VWA8: variants seen among roughly 807,000 people sequenced by gnomAD.
The protein encoded by VWA8 is von Willebrand factor A domain containing 8.
In VWA8, 221 loss-of-function variants were observed where a neutral mutation model predicts 241.5. The ratio of observed to expected loss-of-function variants is 0.91; its 90% confidence interval spans 0.82 to 1.02. VWA8 has a LOEUF of 1.02. Among genes scored for constraint, VWA8 ranks in the 50% least tolerant of loss-of-function variants. VWA8 has a pLI of 0.00. For missense variants in VWA8, 2,322 were observed against 2,328.7 expected, an observed-to-expected ratio of 1.00 and a Z score of 0.06; for synonymous variants, 852 against 827.1, an observed-to-expected ratio of 1.03 and a Z score of -0.52.
rs538729140 is a variant in VWA8 at position 41,842,142 on chromosome 13, C to T, written c.1426-8611G>A. The stretch of plus-strand genomic sequence containing the variant: ...CACACCTATTAGTGGCAGCAGAATG[C>T]TACATAAATATTGTATAAACATACA... On this transcript the variant is annotated intron_variant, in intron 12 of 44. Transcript: ENST00000379310. Among the ~76,000 whole-genome samples, 456 of 151,998 alleles carry T rather than the reference C, an allele frequency of 3.0e-3. 1 individual carries two copies. Among genetic ancestry groups the T allele is most frequent in the Non-Finnish European group, 5.2e-3 (351 of 67,948 alleles).
At position 41,778,044 on chromosome 13, in the gene VWA8, T is replaced by C. The variant is rs201602938; in HGVS notation, c.2290A>G (p.Met764Val). The change falls in exon 20 of 45, where the codon ATG becomes GTG. Residue 764 changes from methionine (M) to valine (V), a missense_variant. Coordinates refer to ENST00000379310, the MANE Select transcript of VWA8 (RefSeq NM_015058.2). ...AGAAAGTCTTTCAGCATATCTTCCATCACTATCACATGCTAGAGAAAAAGG... is the reference window on the plus strand; with the variant it reads ...AGAAAGTCTTTCAGCATATCTTCCACCACTATCACATGCTAGAGAAAAAGG... ...FYDNIQHVIV[M>V]EDMLKDFLLG... 5.0e-6 allele frequency: 8 copies of C among 1,611,914 alleles called. No individual in the cohort carries two copies. The highest frequency in any genetic ancestry group is 6.8e-6 in the Non-Finnish European group (8 of 1,179,312).
intron 4 of VWA8, among the ~76,000 whole-genome samples, chr13:41,906,790 A>G (rs757959838): frequency 6.6e-6 from 1 of 152,144 alleles, no homozygotes; most frequent in Admixed American, 6.5e-5. Flanking sequence ...TTTAAATTGC[A>G]TTAATTTCTG....
At chr13:41,835,731 AAT>A (rs1189978136) in intron 12 of VWA8, among the ~76,000 whole-genome samples, 4 of 152,192 alleles carry the variant, frequency 2.6e-5, no homozygotes, top group South Asian at 2.1e-4. Flanking sequence ...TGTGCATATA[AAT>A]ATATATGTGT....
At chr13:41,689,237 T>C in intron 34 of VWA8, 117 bp downstream of exon 34, 1 of 1,147,778 alleles carries the variant, frequency 8.7e-7, no homozygotes, top group South Asian at 1.9e-5. Context: ...GAAGACTTGA[T>C]CCAACATGTT....
intron 21 of VWA8, among the ~76,000 whole-genome samples, chr13:41,742,646 T>C (rs2045577434): frequency 6.6e-6 from 1 of 152,324 alleles, no homozygotes; most frequent in East Asian, 1.9e-4. Context: ...AAGAAGGATA[T>C]TTTGGGAAGA....
At chr13:41,728,038 C>T (rs1481458526) in intron 23 of VWA8, among the ~76,000 whole-genome samples, 3 of 152,048 alleles carry the variant, frequency 2.0e-5, no homozygotes, top group Non-Finnish European at 4.4e-5. Context: ...TCAGGAAGAA[C>T]CACTTGCTAT....
intron 2 of VWA8, among the ~76,000 whole-genome samples, chr13:41,946,135 A>AC (rs1252287980): frequency 1.5e-4 from 23 of 152,148 alleles, no homozygotes; most frequent in African/African-American, 4.1e-4. Context: ...GAAAAAAAAA[A>AC]ACCTGTCAAC....
intron 21 of VWA8, among the ~76,000 whole-genome samples, chr13:41,758,398 GTATATATATATA>G (rs1236188354): frequency 2.4e-4 from 6 of 25,002 alleles, no homozygotes; most frequent in Non-Finnish European, 4.6e-4. Context: ...ATATACGCTA[GTATATATATATA>G]TATATATATA....
chr13:41,650,751 G>A (rs1351180844), intron 37 of VWA8, among the ~76,000 whole-genome samples: 1 of 152,184 alleles, frequency 6.6e-6, no homozygotes, highest in Non-Finnish European at 1.5e-5. Context: ...ACATGTCAAA[G>A]TCAGAGATCA....
intron 2 of VWA8, among the ~76,000 whole-genome samples, chr13:41,949,031 T>TAAAAAAAAAAAAAAAAAAAACA (rs1877993474): frequency 1.6e-5 from 1 of 63,390 alleles, no homozygotes; most frequent in Non-Finnish European, 2.9e-5. Flanking sequence ...TCTACCATCA[T>TAAAAAAAAAAAAAAAAAAAACA]AAAAAAAAAA....
intron 1 of VWA8, among the ~76,000 whole-genome samples, chr13:41,954,554 T>C (rs1342644409): frequency 1.3e-5 from 2 of 152,218 alleles, no homozygotes; most frequent in Non-Finnish European, 2.9e-5. Flanking sequence ...CTAGCACAAA[T>C]TGATCACTCC....
intron 9 of VWA8, among the ~76,000 whole-genome samples, chr13:41,881,974 A>G (rs1388594672): frequency 1.4e-5 from 2 of 144,700 alleles, no homozygotes; most frequent in Admixed American, 1.4e-4. Flanking sequence ...AGACAGGGTG[A>G]CTGCCGGGAC....
chr13:41,885,780 G>T, intron 8 of VWA8, 140 bp downstream of exon 8: 1 of 653,948 alleles, frequency 1.5e-6, no homozygotes, highest in Non-Finnish European at 2.6e-6. Flanking sequence ...TTACTGCACT[G>T]CACAACAAAT....
chr13:41,681,201 C>T (rs897573607), intron 35 of VWA8, among the ~76,000 whole-genome samples: 9 of 152,146 alleles, frequency 5.9e-5, no homozygotes, highest in Non-Finnish European at 1.2e-4. Flanking sequence ...TAGATGTTTT[C>T]TCTCAGTAAT....
intron 1 of VWA8, among the ~76,000 whole-genome samples, chr13:41,958,711 T>A (rs1404143409): frequency 6.6e-6 from 1 of 152,214 alleles, no homozygotes; most frequent in African/African-American, 2.4e-5. Context: ...CTCTGGTGGG[T>A]TCCCAGCTGC....
chr13:41,807,024 C>T (rs1410949844), intron 17 of VWA8, among the ~76,000 whole-genome samples: 1 of 151,946 alleles, frequency 6.6e-6, no homozygotes, highest in East Asian at 1.9e-4. Context: ...ACTGTTACCA[C>T]AGAAATACAA....
intron 37 of VWA8, among the ~76,000 whole-genome samples, chr13:41,620,937 C>T (rs1439497996): frequency 1.3e-5 from 2 of 152,150 alleles, no homozygotes; most frequent in Non-Finnish European, 2.9e-5. Flanking sequence ...TACCATTACA[C>T]CCAGCTTTGA....
intron 12 of VWA8, among the ~76,000 whole-genome samples, chr13:41,840,882 GAAC>G (rs1338625785): frequency 1.3e-5 from 2 of 151,898 alleles, no homozygotes; most frequent in Admixed American, 6.6e-5. Flanking sequence ...ATCCTATAGA[GAAC>G]AACATGTTAA....
intron 17 of VWA8, 61 bp from the exon 18 acceptor site, chr13:41,787,604 A>G: frequency 1.2e-6 from 1 of 806,368 alleles, no homozygotes; most frequent in Non-Finnish European, 2.0e-6. Context: ...TGCGATTCTT[A>G]AATACACACA....
Sources: allele counts gnomAD v4.1 joint callset (sites outside exome capture counted in the v4.1 genomes callset), GRCh38; gene constraint gnomAD v4.1.1; transcripts MANE v1.5; gene names NCBI Gene and HGNC (gene_info 2026-07-23, HGNC 2026-07-21).